CNOT2: variants seen among roughly 807,000 people sequenced by gnomAD.
CNOT2 encodes the protein CC chemokine receptor 4-negative regulator of transcription 2.
In CNOT2, 7 loss-of-function variants were observed where a neutral mutation model predicts 72.1. The ratio of observed to expected loss-of-function variants is 0.10; its 90% CI spans 0.06 to 0.18. The LOEUF (loss-of-function observed/expected upper bound fraction) is 0.18. Among genes scored for constraint, CNOT2 ranks in the 10% least tolerant of loss-of-function variants. CNOT2 has a pLI of 1.00. For synonymous variants in CNOT2, 196 were observed against 225.6 expected, an observed-to-expected ratio of 0.87 and a Z score of 1.17; for missense variants, 345 against 660.3, an observed-to-expected ratio of 0.52 and a Z score of 5.23.
chr12:70,337,539 G>C, intron 9 of CNOT2, 26 bp downstream of exon 9: 2 of 1,603,928 alleles, frequency 1.2e-6, no homozygotes, highest in Non-Finnish European at 1.7e-6. Context: ...GTGTGTATGT[G>C]AGTGATGTAG....
chr12:70,260,610 T>C (rs1958697851), intron 1 of CNOT2, among the ~76,000 whole-genome samples: 1 of 150,464 alleles, frequency 6.6e-6, no homozygotes, highest in South Asian at 2.2e-4. Context: ...TTATCTTGTA[T>C]CTAGTTGTTG....
intron 2 of CNOT2, among the ~76,000 whole-genome samples, chr12:70,301,433 G>A (rs944661890): frequency 6.6e-6 from 1 of 152,164 alleles, no homozygotes; most frequent in African/African-American, 2.4e-5. Flanking sequence ...AGCATGAAGA[G>A]CTGTTGAATT....
chr12:70,342,128 G>A lies in CNOT2; in HGVS notation c.1200G>A (p.Ala400=), dbSNP rs780639172. The change falls in exon 12 of 16, where the codon GCG becomes GCA. Residue 400 remains alanine, a synonymous_variant. Coordinates refer to ENST00000229195, the MANE Select transcript of CNOT2 (RefSeq NM_014515.7). The part of the protein sequence containing the change: ...NSPENLYPKF[A]SPWASSPCRP... ...TCAGAAATCTCTACCCCAAATTTGC[G>A]TCACCCTGGGCATCTTCACCTTGTC... 8.4e-5 allele frequency: 135 copies of A among 1,606,434 alleles called. No homozygotes were observed. In the Middle Eastern group the frequency reaches 1.5e-3, roughly 18 times the overall value.
chr12:70,317,684 G>C (rs1051221206), intron 3 of CNOT2, among the ~76,000 whole-genome samples: 2 of 143,416 alleles, frequency 1.4e-5, no homozygotes, highest in Non-Finnish European at 3.0e-5. Context: ...CTTTAGAGTG[G>C]TGTATAACTC....
At chr12:70,345,419 A>C (rs1882040227) in intron 14 of CNOT2, 1 of 152,282 alleles carries the variant, frequency 6.6e-6, no homozygotes, top group Non-Finnish European at 1.5e-5. Context: ...GTAAATAAAT[A>C]CATTCAGGCA....
In CNOT2 at chr12:70,291,218, T is replaced by TTAAAAAAATATTC; in HGVS notation, c.48+12945_48+12946insAAAAAAATATTCT. ...AATTTTACCAATAAGCATTTCTTACTTTAAAAAAATCTGTGTTGTATAGCA... is the reference window on the plus strand; with the variant it reads ...AATTTTACCAATAAGCATTTCTTACTTAAAAAAATATTCTTAAAAAAATCTGTGTTGTATAGCA... On this transcript the variant is annotated intron_variant, in intron 2 of 15. Coordinates refer to ENST00000229195, the MANE Select transcript of CNOT2 (RefSeq NM_014515.7). Among the ~76,000 whole-genome samples the TTAAAAAAATATTC allele has an allele frequency of 2.0e-5, 3 of 152,342 alleles. No homozygotes were observed. In the South Asian group the frequency reaches 6.2e-4, roughly 32 times the overall value.
At chr12:70,243,195 G>A (rs895669966), upstream of CNOT2, 10 of 152,522 alleles carry the variant, frequency 6.6e-5, no homozygotes, top group Non-Finnish European at 1.0e-4. Flanking sequence ...CGGAGGAGCA[G>A]CAAGCCTCCC....
At chr12:70,339,845 A>G (rs1421054604) in intron 11 of CNOT2, among the ~76,000 whole-genome samples, 2 of 152,144 alleles carry the variant, frequency 1.3e-5, no homozygotes, top group African/African-American at 4.8e-5. Flanking sequence ...AGCACAGTCT[A>G]GCCAACAAAT....
At chr12:70,341,406 A>G (rs1881492265) in intron 11 of CNOT2, among the ~76,000 whole-genome samples, 1 of 152,168 alleles carries the variant, frequency 6.6e-6, no homozygotes, top group Admixed American at 6.5e-5. Context: ...TATGTCCCTT[A>G]TAGCCTTCAA....
Position 70,346,311 on chromosome 12 carries a change from G to A in CNOT2, c.1523G>A (p.Arg508Lys). The A allele has an allele frequency of 1.2e-6, 2 of 1,611,992 alleles. No homozygotes were observed. The highest frequency in any genetic ancestry group is 1.7e-6 in the Non-Finnish European group (2 of 1,178,356). ...TYYFFDCLNW[R>K]KVAKEFHLEY... ...TACTTCTTTGACTGTCTTAACTGGA[G>A]GAAAGTAGCTAAGGTATATTTCTTT... Residue 508 changes from arginine to lysine, a missense_variant, in exon 15 of 16, where the codon AGG becomes AAG. This residue lies in a region of CNOT2 where 53 missense variants were observed against 153.4 expected (regional missense o/e 0.35). Coordinates refer to ENST00000229195, the MANE Select transcript of CNOT2 (RefSeq NM_014515.7).
chr12:70,337,285 A>T (rs1880832029), intron 8 of CNOT2, 104 bp from the exon 9 acceptor site: 1 of 929,046 alleles, frequency 1.1e-6, no homozygotes, highest in Admixed American at 2.5e-5. Flanking sequence ...CATTAAAAAA[A>T]AGAAACCTTT....
intron 1 of CNOT2, among the ~76,000 whole-genome samples, chr12:70,260,298 CTT>C (rs1958684770): frequency 6.6e-6 from 1 of 151,776 alleles, no homozygotes; most frequent in Admixed American, 6.6e-5. Flanking sequence ...CCAAAATAGA[CTT>C]TAATTTCTTT....
chr12:70,292,597 G>A lies in CNOT2; in HGVS notation c.48+14323G>A, dbSNP rs140288175. On this transcript the variant is annotated intron_variant, in intron 2 of 15. Coordinates refer to ENST00000229195, the MANE Select transcript of CNOT2 (RefSeq NM_014515.7). ...TAGCAAGGAGGCCAGTATGGCAGGA[G>A]CACATGAAGAGAAGGGGAGAATGCT... Among the ~76,000 whole-genome samples the A allele has an allele frequency of 5.9e-5, 9 of 152,298 alleles. No homozygotes were observed. The East Asian group carries it at 1.7e-3, about 29-fold the overall frequency.
At chr12:70,343,354 GAC>G (rs1881752687) in intron 13 of CNOT2, among the ~76,000 whole-genome samples, 1 of 152,128 alleles carries the variant, frequency 6.6e-6, no homozygotes, top group African/African-American at 2.4e-5. Flanking sequence ...GTTGTTTTGG[GAC>G]ACTTTTAAGG....
At chr12:70,267,638 G>A (rs1299391991) in intron 1 of CNOT2, among the ~76,000 whole-genome samples, 1 of 152,214 alleles carries the variant, frequency 6.6e-6, no homozygotes, top group African/African-American at 2.4e-5. Context: ...TTGTCAGCAT[G>A]TAGTTCCCTT....
At chr12:70,287,716 A>G (rs967839479) in intron 2 of CNOT2, among the ~76,000 whole-genome samples, 1 of 149,762 alleles carries the variant, frequency 6.7e-6, no homozygotes, top group Non-Finnish European at 1.5e-5. Flanking sequence ...TTATTTTATA[A>G]ATTTTTGTGT....
At chr12:70,266,537 A>C (rs1041637628) in intron 1 of CNOT2, among the ~76,000 whole-genome samples, 2 of 152,182 alleles carry the variant, frequency 1.3e-5, no homozygotes, top group African/African-American at 4.8e-5. Context: ...TTAGAGGAGT[A>C]TTGAAATTTC....
chr12:70,310,970 A>T lies in CNOT2; in HGVS notation c.124A>T (p.Met42Leu), dbSNP rs753403636. 1.9e-6 allele frequency: 3 copies of T among 1,602,024 alleles called. No individual in the cohort carries two copies. Among genetic ancestry groups the T allele is most frequent in the Non-Finnish European group, 2.6e-6 (3 of 1,169,276 alleles). Residue 42 changes from methionine (M) to leucine (L), a missense_variant, in exon 3 of 16, where the codon ATG (methionine) becomes TTG (leucine). By Grantham distance (15) the Met-to-Leu change is conservative. Around this residue, in one of 4 missense-constraint regions of CNOT2, gnomAD observed 157 missense variants for 235.3 expected, o/e 0.67. Transcript: ENST00000229195. ...GVDSDYHDEN[M>L]YYSQSSMFPH... ...CGACAGTGACTACCATGACGAAAAC[A>T]TGTACTACAGCCAGTCTTCTATGTT... is the stretch of plus-strand genomic sequence containing the variant.
chr12:70,342,412 T>G (rs1390436576), intron 13 of CNOT2, 105 bp downstream of exon 13: 1 of 1,289,596 alleles, frequency 7.8e-7, no homozygotes, highest in Non-Finnish European at 1.1e-6. Flanking sequence ...AGTAATGGTC[T>G]CAGGGATATG....
Sources: gnomAD v4.1 joint callset for allele counts (sites outside exome capture counted in the v4.1 genomes callset) on GRCh38, gnomAD v4.1.1 for gene constraint, gnomAD v4.1.1 regional missense constraint, MANE v1.5 for transcripts, NCBI Gene and HGNC (gene_info 2026-07-23, HGNC 2026-07-21) for gene names.